Variants in COBL observed in about 807,000 individuals in gnomAD.
The protein encoded by COBL is cordon-bleu WH2 repeat protein, also known as protein cordon-bleu.
COBL carries 51 observed loss-of-function variants against 98.8 expected under a neutral mutation model. The observed-to-expected ratio is 0.52, with a 90% CI of 0.41 to 0.65. The LOEUF (loss-of-function observed/expected upper bound fraction) is 0.65. Among genes scored for constraint, COBL ranks in the 30% least tolerant of loss-of-function variants. The probability of loss-of-function intolerance (pLI) is 0.00; values close to 1 mark genes in which losing one functional copy is unlikely to be tolerated. For synonymous variants in COBL, 634 were observed against 651.7 expected, an observed-to-expected ratio of 0.97 and a Z score of 0.41; for missense variants, 1,617 against 1,617.5, an observed-to-expected ratio of 1.00 and a Z score of 0.01.
chr7:51,238,586 A>G (rs1333693567), intron 1 of COBL, among the ~76,000 whole-genome samples: 1 of 152,198 alleles, frequency 6.6e-6, no homozygotes, highest in Non-Finnish European at 1.5e-5. Flanking sequence ...GATGGGTAAA[A>G]TAAGGCTGTG....
At chr7:51,067,930 G>A (rs990403339) in intron 7 of COBL, among the ~76,000 whole-genome samples, 1 of 152,192 alleles carries the variant, frequency 6.6e-6, no homozygotes, top group Admixed American at 6.5e-5. Flanking sequence ...CCCTTCGACT[G>A]CTTGCTAACC....
intron 1 of COBL, among the ~76,000 whole-genome samples, chr7:51,264,538 G>C (rs1004636245): frequency 2.0e-5 from 3 of 151,698 alleles, no homozygotes; most frequent in Non-Finnish European, 4.4e-5. Flanking sequence ...GGTCTTGGTG[G>C]TGCACACCTG....
chr7:51,110,162 G>A (rs1405291823), intron 6 of COBL, among the ~76,000 whole-genome samples: 1 of 152,082 alleles, frequency 6.6e-6, no homozygotes, highest in East Asian at 1.9e-4. Flanking sequence ...AATAGTTATT[G>A]TTAACAATAG....
At chr7:51,083,145 A>AGGGGG in intron 7 of COBL, 4 of 477,162 alleles carry the variant, frequency 8.4e-6, no homozygotes, top group Admixed American at 4.9e-5. Context: ...GGAGGAGGGT[A>AGGGGG]GGGCGGGGGT....
At chr7:51,022,011 A>G (rs1375432233) in intron 12 of COBL, among the ~76,000 whole-genome samples, 9 of 152,082 alleles carry the variant, frequency 5.9e-5, no homozygotes, top group Admixed American at 4.6e-4. Flanking sequence ...GGGCAGGTCG[A>G]TCACCCAATT....
chr7:51,293,241 C>T (rs1054094479), intron 1 of COBL, among the ~76,000 whole-genome samples: 1 of 152,222 alleles, frequency 6.6e-6, no homozygotes. Context: ...TGTGACTCAG[C>T]CATTCCACTC....
intron 6 of COBL, among the ~76,000 whole-genome samples, chr7:51,097,697 C>T (rs2128957971): frequency 6.6e-6 from 1 of 152,112 alleles, no homozygotes; most frequent in Non-Finnish European, 1.5e-5. Context: ...ATTTAATTTG[C>T]AGTTGCATTA....
At chr7:51,292,815 T>C (rs1801035414) in intron 1 of COBL, among the ~76,000 whole-genome samples, 1 of 152,212 alleles carries the variant, frequency 6.6e-6, no homozygotes, top group African/African-American at 2.4e-5. Flanking sequence ...CGAGCAGCCC[T>C]GAGTAAAGAG....
chr7:51,281,738 C>T (rs983528922), intron 1 of COBL, among the ~76,000 whole-genome samples: 1 of 151,680 alleles, frequency 6.6e-6, no homozygotes, highest in Non-Finnish European at 1.5e-5. Context: ...CAAATGAAGG[C>T]AAAGAGAATT....
At chr7:51,284,392 G>A (rs1320193527) in intron 1 of COBL, among the ~76,000 whole-genome samples, 1 of 151,904 alleles carries the variant, frequency 6.6e-6, no homozygotes, top group Non-Finnish European at 1.5e-5. Flanking sequence ...ATCAGTTCAT[G>A]TAATTCACCA....
intron 7 of COBL, chr7:51,083,301 C>T (rs1793864797): frequency 1.7e-6 from 2 of 1,185,210 alleles, no homozygotes; most frequent in East Asian, 2.6e-5. Flanking sequence ...CAAATCCAAC[C>T]TCACTGGGCA....
At chr7:51,285,312 T>G (rs1385769700) in intron 1 of COBL, among the ~76,000 whole-genome samples, 1 of 151,760 alleles carries the variant, frequency 6.6e-6, no homozygotes, top group Non-Finnish European at 1.5e-5. Context: ...GGCATCAAAT[T>G]TGGACAGAGA....
intron 1 of COBL, among the ~76,000 whole-genome samples, chr7:51,230,705 G>A (rs1794661916): frequency 6.6e-6 from 1 of 152,212 alleles, no homozygotes; most frequent in Non-Finnish European, 1.5e-5. Flanking sequence ...ACACGTTAGT[G>A]GTCCCTCTGC....
At chr7:51,200,562 C>A (rs1182344763) in intron 2 of COBL, among the ~76,000 whole-genome samples, 1 of 152,156 alleles carries the variant, frequency 6.6e-6, no homozygotes, top group African/African-American at 2.4e-5. Context: ...TTCAAACAGA[C>A]TGCTGTAACT....
chr7:51,155,752 A>T (rs1011589318), intron 5 of COBL, among the ~76,000 whole-genome samples: 1 of 152,168 alleles, frequency 6.6e-6, no homozygotes, highest in African/African-American at 2.4e-5. Flanking sequence ...TATCCAAGTC[A>T]GTAAACCTAA....
Position 51,027,832 on chromosome 7 carries a change from A to C in COBL, c.3264T>G (p.Ile1088Met). 6.2e-7 allele frequency: 1 copy of C among 1,614,196 alleles called. No homozygotes were observed. Among genetic ancestry groups the C allele is most frequent in the Non-Finnish European group, 8.5e-7 (1 of 1,180,042 alleles). The change falls in exon 10 of 13, where the codon ATT becomes ATG. Residue 1088 changes from isoleucine to methionine, a missense_variant. Physicochemically the swap from Ile to Met is conservative, Grantham distance 10. This residue lies in a region of COBL where 1,304 missense variants were observed against 1,282.0 expected (regional missense o/e 1.02). Coordinates refer to ENST00000265136, the MANE Select transcript of COBL (RefSeq NM_015198.5). Reference sequence around the variant, plus strand: ...GTTTGAATTTTTTCTTCGGCCCAAAAATGCTGGGTGGCCAAATACTGTCTG... The same window carrying C: ...GTTTGAATTTTTTCTTCGGCCCAAACATGCTGGGTGGCCAAATACTGTCTG... ...NETDSIWPPS[I>M]FGPKKKFKPV...
intron 2 of COBL, among the ~76,000 whole-genome samples, chr7:51,202,347 G>A (rs1304170089): frequency 2.6e-5 from 4 of 152,080 alleles, no homozygotes; most frequent in South Asian, 2.1e-4. Context: ...TTATAGCCAC[G>A]GTGTATGATA....
intron 8 of COBL, chr7:51,032,923 A>G (rs1018051937): frequency 1.3e-5 from 2 of 152,216 alleles, no homozygotes; most frequent in Non-Finnish European, 2.9e-5. Flanking sequence ...AAACTTTTTA[A>G]ATGCTTGCTC....
chr7:51,097,789 C>T (rs565363347), intron 6 of COBL, among the ~76,000 whole-genome samples: 18 of 152,012 alleles, frequency 1.2e-4, no homozygotes, highest in South Asian at 8.3e-4. Context: ...TTTGGGAGGC[C>T]GAGGCGGGTG....
Sources: gnomAD v4.1 joint callset for allele counts (sites outside exome capture counted in the v4.1 genomes callset) on GRCh38, gnomAD v4.1.1 for gene constraint, gnomAD v4.1.1 regional missense constraint, MANE v1.5 for transcripts, NCBI Gene and HGNC (gene_info 2026-07-23, HGNC 2026-07-21) for gene names.